Variants in SGCD observed in about 807,000 individuals in gnomAD.
SGCD encodes sarcoglycan delta.
Under a neutral mutation model 36.6 loss-of-function variants are expected in SGCD, and 18 were observed. The ratio of observed to expected loss-of-function variants is 0.49; its 90% CI spans 0.34 to 0.73. The LOEUF (loss-of-function observed/expected upper bound fraction) is 0.73, where lower values mean the gene tolerates loss of function less well. SGCD is among the 30% of genes least tolerant of loss of function. SGCD has a pLI of 0.01. For synonymous variants in SGCD, 133 were observed against 130.6 expected (o/e 1.02, Z -0.12); for missense variants, 387 against 346.7 (o/e 1.12, Z -0.92).
At chr5:156,458,390 A>T in intron 3 of SGCD, 1 of 1,555,378 alleles carries the variant, frequency 6.4e-7, no homozygotes, top group South Asian at 1.1e-5. Flanking sequence ...CCAAAAAGGA[A>T]AACTTACTGT....
At chr5:155,785,844 A>G in the SGCD span, among the ~76,000 whole-genome samples, 1 of 152,190 alleles carries the variant, frequency 6.6e-6, no homozygotes, top group South Asian at 2.1e-4. Flanking sequence ...AGAGCTATAA[A>G]TGAAGACTTT....
chr5:156,049,432 C>T (rs529702573), intron 1 of SGCD, among the ~76,000 whole-genome samples: 1 of 145,690 alleles, frequency 6.9e-6, no homozygotes, highest in African/African-American at 2.5e-5. Context: ...GCCATTTTCA[C>T]CATATTGATT....
At position 156,169,422 on chromosome 5, in the gene SGCD, C is replaced by G. The variant is rs546747105; in HGVS notation, c.-44+45403C>G. ...TTATTGTTTGACCTTCTGCAGATCACTGAAACTTGCTGAACTTAATTTCCT... is the reference window on the plus strand; with the variant it reads ...TTATTGTTTGACCTTCTGCAGATCAGTGAAACTTGCTGAACTTAATTTCCT... On this transcript the variant is annotated intron_variant, in intron 3 of 9. Transcript: ENST00000517913. Among the ~76,000 whole-genome samples the G allele has an allele frequency of 1.2e-4, 19 of 152,290 alleles. No homozygotes were observed. The South Asian group carries it at 3.7e-3, about 30-fold the overall frequency.
At chr5:156,736,983 A>G (rs1342111550) in intron 7 of SGCD, among the ~76,000 whole-genome samples, 1 of 152,206 alleles carries the variant, frequency 6.6e-6, no homozygotes, top group Middle Eastern at 3.2e-3. Flanking sequence ...GGATCCTGAA[A>G]TGGGTAATAT....
intron 1 of SGCD, among the ~76,000 whole-genome samples, chr5:155,955,415 T>C (rs1757631239): frequency 6.6e-6 from 1 of 152,180 alleles, no homozygotes; most frequent in African/African-American, 2.4e-5. Flanking sequence ...GGTTGGCTTA[T>C]AGTTAATCAT....
chr5:156,140,496 T>C (rs756529959), intron 3 of SGCD, among the ~76,000 whole-genome samples: 1 of 152,220 alleles, frequency 6.6e-6, no homozygotes, highest in Non-Finnish European at 1.5e-5. Flanking sequence ...ATCCTTCTTA[T>C]ACACTGGCAA....
At chr5:156,517,188 A>G (rs1757212714) in intron 4 of SGCD, among the ~76,000 whole-genome samples, 2 of 152,296 alleles carry the variant, frequency 1.3e-5, no homozygotes, top group Admixed American at 1.3e-4. Context: ...AGAACTTCAC[A>G]ATGCAGCCAC....
chr5:155,913,318 T>G (rs1021899916), intron 1 of SGCD, among the ~76,000 whole-genome samples: 2 of 152,196 alleles, frequency 1.3e-5, no homozygotes, highest in South Asian at 2.1e-4. Flanking sequence ...TTGCATGATT[T>G]CATCTGGAAG....
At chr5:156,271,065 T>C (rs1394834489) in intron 3 of SGCD, among the ~76,000 whole-genome samples, 2 of 152,224 alleles carry the variant, frequency 1.3e-5, no homozygotes, top group African/African-American at 4.8e-5. Flanking sequence ...GAGTTTCTAA[T>C]AGAGGCGTTT....
At chr5:156,337,896 G>T (rs1277312288) in intron 2 of SGCD, among the ~76,000 whole-genome samples, 2 of 152,058 alleles carry the variant, frequency 1.3e-5, no homozygotes, top group Non-Finnish European at 2.9e-5. Context: ...TCTGTACTTT[G>T]CCATGTCTCT....
intron 3 of SGCD, among the ~76,000 whole-genome samples, chr5:156,144,290 C>T (rs1762655379): frequency 6.6e-6 from 1 of 151,952 alleles, no homozygotes; most frequent in Non-Finnish European, 1.5e-5. Flanking sequence ...ATTTCTAGTT[C>T]TAGATCCCTG....
At chr5:155,843,043 C>T in the SGCD span, among the ~76,000 whole-genome samples, 102 of 152,304 alleles carry the variant, frequency 6.7e-4, 1 homozygote, top group South Asian at 4.6e-3. Context: ...ATCTTTATTC[C>T]ATGCTCCATT....
intron 1 of SGCD, among the ~76,000 whole-genome samples, chr5:155,890,902 C>T (rs1561640346): frequency 6.6e-6 from 1 of 152,120 alleles, no homozygotes; most frequent in Admixed American, 6.5e-5. Flanking sequence ...TAGCTTAGGT[C>T]ATATGCCCAT....
At chr5:155,782,026 C>CTT in the SGCD span, among the ~76,000 whole-genome samples, 2 of 122,914 alleles carry the variant, frequency 1.6e-5, no homozygotes, top group Admixed American at 8.3e-5. Flanking sequence ...TTTTTCTTTT[C>CTT]TTTTTTTTTT....
chr5:156,231,899 C>T (rs1040440952), intron 3 of SGCD, among the ~76,000 whole-genome samples: 3 of 152,206 alleles, frequency 2.0e-5, no homozygotes, highest in East Asian at 1.9e-4. Flanking sequence ...GACTTCCTGC[C>T]CTTGGTTGTG....
At chr5:156,614,010 G>A (rs558177264) in intron 6 of SGCD, among the ~76,000 whole-genome samples, 12 of 152,086 alleles carry the variant, frequency 7.9e-5, no homozygotes, top group South Asian at 2.1e-4. Context: ...ACACTAGTGC[G>A]ATCTCAGCTC....
At chr5:156,636,072 G>C (rs540065774) in intron 6 of SGCD, among the ~76,000 whole-genome samples, 53 of 152,004 alleles carry the variant, frequency 3.5e-4, no homozygotes, top group Admixed American at 3.4e-3. Context: ...AGGACACAGG[G>C]ACTCATCAAA....
At chr5:156,470,206 T>C (rs1048694781) in intron 3 of SGCD, among the ~76,000 whole-genome samples, 1 of 152,186 alleles carries the variant, frequency 6.6e-6, no homozygotes, top group African/African-American at 2.4e-5. Flanking sequence ...TATATAAAAA[T>C]ACTTGTATAT....
intron 1 of SGCD, among the ~76,000 whole-genome samples, chr5:156,060,352 C>G (rs565764750): frequency 7.0e-6 from 1 of 142,092 alleles, no homozygotes; most frequent in Non-Finnish European, 1.5e-5. Context: ...GAGTTGAACA[C>G]TACAAGATTT....
Sources: gnomAD v4.1 joint callset for allele counts (sites outside exome capture counted in the v4.1 genomes callset) on GRCh38, gnomAD v4.1.1 for gene constraint, MANE v1.5 for transcripts, NCBI Gene and HGNC (gene_info 2026-07-23, HGNC 2026-07-21) for gene names.